The following ABR variants were observed in gnomAD, a reference collection of about 807,000 sequenced individuals.
The protein encoded by ABR is ABR activator of RhoGEF and GTPase.
In ABR, 35 loss-of-function variants were observed where a neutral mutation model predicts 107.2. That is an observed-to-expected ratio of 0.33 (90% CI 0.25 to 0.43). The LOEUF (loss-of-function observed/expected upper bound fraction) is 0.43. Among genes scored for constraint, ABR ranks in the 20% least tolerant of loss-of-function variants. ABR has a pLI of 1.00. For missense variants in ABR, 815 were observed against 1,115.2 expected (o/e 0.73, Z 3.83); for synonymous variants, 498 against 462.0 (o/e 1.08, Z -1.00).
At chr17:1,182,528 T>C (rs745781162), upstream of ABR, among the ~76,000 whole-genome samples, 8 of 152,048 alleles carry the variant, frequency 5.3e-5, no homozygotes, top group African/African-American at 1.7e-4. Flanking sequence ...CCACCACGCC[T>C]GGCTAATTTT....
rs1474474051 is a variant in ABR, at chr17:1,031,869, C to T, written c.1791+18181G>A. 3.6e-5 allele frequency: 43 copies of T among 1,202,172 alleles called. No homozygotes were observed. The African/African-American group carries it at 4.4e-4, about 12-fold the overall frequency. The allele number at this position is 1,202,172 out of a possible 1,614,324, so 74.5% of individuals were successfully genotyped here. On this transcript the variant is annotated intron_variant, in intron 16 of 22. Coordinates refer to ENST00000302538, the MANE Select transcript of ABR (RefSeq NM_021962.5). Reference sequence around the variant, plus strand: ...GCTCGCCTCCCTCCCTCCCTCCCTCCCCGCGCTCCCCTCCCTCCCTCCCTC... The same window carrying T: ...GCTCGCCTCCCTCCCTCCCTCCCTCTCCGCGCTCCCCTCCCTCCCTCCCTC...
intron 2 of ABR, among the ~76,000 whole-genome samples, chr17:1,114,046 T>C (rs779548508): frequency 2.6e-5 from 4 of 151,914 alleles, no homozygotes; most frequent in Admixed American, 6.6e-5. Flanking sequence ...TGGCATGCTC[T>C]TGTGGTCCCG....
At chr17:1,132,615 GAT>G (rs2039896982) in intron 1 of ABR, among the ~76,000 whole-genome samples, 1 of 151,922 alleles carries the variant, frequency 6.6e-6, no homozygotes, top group Non-Finnish European at 1.5e-5. Flanking sequence ...CTGACCTTGT[GAT>G]CCACCCACCT....
chr17:1,168,136 A>T (rs34482673), intron 1 of ABR, among the ~76,000 whole-genome samples: 11,670 of 152,070 alleles, frequency 0.077, 1,020 homozygotes, highest in East Asian at 0.4. Flanking sequence ...AAAATACAAA[A>T]TTAGCCGGGC....
intron 1 of ABR, among the ~76,000 whole-genome samples, chr17:1,161,728 T>C (rs916903944): frequency 6.6e-6 from 1 of 152,062 alleles, no homozygotes; most frequent in Non-Finnish European, 1.5e-5. Flanking sequence ...CTAATTTTTG[T>C]ATTTTTAGTA....
intron 1 of ABR, among the ~76,000 whole-genome samples, chr17:1,146,889 GCCGCCA>G (rs2040577044): frequency 2.1e-5 from 3 of 143,160 alleles, no homozygotes; most frequent in African/African-American, 8.4e-5. Context: ...TGACACCACT[GCCGCCA>G]CTGCCACCAC....
At chr17:1,159,848 G>T (rs1479417472) in intron 1 of ABR, among the ~76,000 whole-genome samples, 1 of 152,250 alleles carries the variant, frequency 6.6e-6, no homozygotes, top group Non-Finnish European at 1.5e-5. Flanking sequence ...CTTGGTCGTG[G>T]GTCCACGATG....
intron 2 of ABR, among the ~76,000 whole-genome samples, chr17:1,120,468 G>A (rs2258522): frequency 0.69 from 104,550 of 151,840 alleles, 37,008 homozygotes; most frequent in Non-Finnish European, 0.78. Flanking sequence ...TAGTAGAGAC[G>A]GGGTTTCACC....
chr17:1,048,494 T>C (rs2031976159), intron 16 of ABR, among the ~76,000 whole-genome samples: 1 of 152,196 alleles, frequency 6.6e-6, no homozygotes, highest in South Asian at 2.1e-4. Context: ...ATCGTTCAGC[T>C]CCCTGTTGTA....
intron 16 of ABR, chr17:1,049,835 T>C: frequency 3.4e-6 from 2 of 584,620 alleles, no homozygotes; most frequent in Non-Finnish European, 5.9e-6. Flanking sequence ...GAAGCGCAGA[T>C]GACCCACCTG....
intron 1 of ABR, among the ~76,000 whole-genome samples, chr17:1,205,638 C>T (rs1178150103): frequency 6.6e-6 from 1 of 151,266 alleles, no homozygotes; most frequent in Non-Finnish European, 1.5e-5. Flanking sequence ...AGTAAGACTT[C>T]ATCTCTACAA....
At chr17:1,212,520 T>A (rs2042922077) in intron 1 of ABR, among the ~76,000 whole-genome samples, 1 of 152,038 alleles carries the variant, frequency 6.6e-6, no homozygotes, top group Non-Finnish European at 1.5e-5. Context: ...TCTGAGAGGC[T>A]GAGGCGGGCG....
At chr17:1,099,904 G>T (rs1180620309) in intron 3 of ABR, among the ~76,000 whole-genome samples, 1 of 152,180 alleles carries the variant, frequency 6.6e-6, no homozygotes, top group Admixed American at 6.5e-5. Flanking sequence ...AAGGCGGGCA[G>T]ATCACCTGAG....
chr17:1,195,164 G>A (rs1007938213), intron 1 of ABR, among the ~76,000 whole-genome samples: 11 of 148,526 alleles, frequency 7.4e-5, no homozygotes, highest in South Asian at 4.4e-4. Context: ...AAAATTAGCC[G>A]GGCGCAGTGG....
In ABR at chr17:1,027,412, GCT is replaced by G. The variant is rs1405077493; in HGVS notation, c.1792-14250_1792-14249del. ...TCGCACACAGTGTGTGCATGGGGTG[GCT>G]CTGTGTCTGAGTGGCCTCCAGAACC... On this transcript the variant is annotated intron_variant, in intron 16 of 22. Coordinates refer to ENST00000302538, the MANE Select transcript of ABR (RefSeq NM_021962.5). The surrounding 1 kb of genome is among the most constrained non-coding windows in gnomAD (Gnocchi z 4.7). Among the ~76,000 whole-genome samples the G allele has an allele frequency of 1.3e-5, 2 of 152,222 alleles. No homozygotes were observed. Among genetic ancestry groups the G allele is most frequent in the African/African-American group, 4.8e-5 (2 of 41,462 alleles).
At chr17:1,137,015 C>T (rs370770011) in intron 1 of ABR, among the ~76,000 whole-genome samples, 145,633 of 150,598 alleles carry the variant, frequency 0.97, 70,499 homozygotes, top group Non-Finnish European at 1. Flanking sequence ...TCTTTTTTCT[C>T]TCTCTCTCTC....
Position 1,003,923 on chromosome 17 carries a change from T to C in ABR, c.*2157A>G, listed in dbSNP as rs569571660. On this transcript the variant is annotated 3_prime_UTR_variant, in exon 23 of 23. Transcript: ENST00000302538. The stretch of plus-strand genomic sequence containing the variant: ...TGCTGGGTGTTTCCTTGGTGCAGTT[T>C]AGTCCAGGTCTGGCACCTGACCCTC... The C allele has an allele frequency of 9.2e-5, 14 of 152,450 alleles. No individual in the cohort carries two copies. In the East Asian group the frequency reaches 1.7e-3, roughly 19 times the overall value. The allele number at this position is 152,450 out of a possible 1,614,324, so 9.4% of individuals were successfully genotyped here.
chr17:1,009,295 CA>C (rs1195503519), intron 21 of ABR, among the ~76,000 whole-genome samples: 7 of 140,588 alleles, frequency 5.0e-5, no homozygotes, highest in Admixed American at 4.2e-4. Flanking sequence ...CCCCCCACTG[CA>C]TCTAGAAATG....
At chr17:1,018,124 G>C (rs980160304) in intron 16 of ABR, among the ~76,000 whole-genome samples, 4 of 151,998 alleles carry the variant, frequency 2.6e-5, no homozygotes, top group East Asian at 3.9e-4. Context: ...CTCACTGCAA[G>C]CTCCGCCTCC....
Sources: gnomAD v4.1 joint callset for allele counts (sites outside exome capture counted in the v4.1 genomes callset) on GRCh38, gnomAD v4.1.1 for gene constraint, Gnocchi (gnomAD v3.1) non-coding constraint, MANE v1.5 for transcripts, NCBI Gene and HGNC (gene_info 2026-07-23, HGNC 2026-07-21) for gene names.